Variants in CUL5 observed in about 807,000 individuals in gnomAD.
CUL5 encodes the protein cullin-5.
In CUL5, 26 loss-of-function variants were observed where a neutral mutation model predicts 108.8. The observed-to-expected ratio is 0.24, with a 90% CI of 0.18 to 0.33. The LOEUF (loss-of-function observed/expected upper bound fraction) is 0.33, where lower values mean the gene tolerates loss of function less well. Ranked by LOEUF, CUL5 falls within the 10% of genes least tolerant of loss-of-function variation. The pLI is 1.00. For missense variants in CUL5, 524 were observed against 909.2 expected, an observed-to-expected ratio of 0.58 and a Z score of 5.45; for synonymous variants, 334 against 298.0, an observed-to-expected ratio of 1.12 and a Z score of -1.25.
chr11:108,073,583 TATTA>T lies in CUL5; in HGVS notation c.1113+91_1113+94del, dbSNP rs762406352. 7.7e-5 allele frequency: 43 copies of T among 559,394 alleles called. No individual in the cohort carries two copies. In the South Asian group the frequency reaches 1.0e-3, roughly 13 times the overall value. 34.7% of individuals were successfully genotyped at this position (559,394 alleles called of 1,614,324 possible). ...TAATAATCAATTTGCATTATTTTTC[TATTA>T]ATTATAAACTTAAAAACCTAGCAAC... On this transcript the variant is annotated intron_variant, in intron 10 of 18. Transcript: ENST00000393094.
At chr11:108,049,247 GTT>G (rs34307674) in intron 3 of CUL5, among the ~76,000 whole-genome samples, 21 of 152,240 alleles carry the variant, frequency 1.4e-4, no homozygotes, top group African/African-American at 5.1e-4. Context: ...TTTGTGACTA[GTT>G]TTCTTTCACA....
chr11:108,025,163 C>A (rs1262164840), intron 1 of CUL5, among the ~76,000 whole-genome samples: 1 of 152,148 alleles, frequency 6.6e-6, no homozygotes, highest in East Asian at 1.9e-4. Flanking sequence ...AAAAATATTT[C>A]TATGATGTTC....
intron 5 of CUL5, among the ~76,000 whole-genome samples, 179 bp from the exon 6 acceptor site, chr11:108,054,468 C>T (rs929342569): frequency 6.6e-6 from 1 of 152,106 alleles, no homozygotes; most frequent in Non-Finnish European, 1.5e-5. Context: ...TACTTTACTG[C>T]TTTATGCTGT....
Position 108,074,190 on chromosome 11 carries a change from AT to A in CUL5, c.1113+714del, listed in dbSNP as rs34367275. ...TTTCTCACTCTTTTTGTCTATTTTA[AT>A]TTTTTTTTTTTTTTTTTTTTGAGAC... On this transcript the variant is annotated intron_variant, in intron 10 of 18. Transcript: ENST00000393094. 621 of 118,148 alleles carry A rather than the reference AT, an allele frequency of 5.3e-3. 2 individuals carry two copies. The highest frequency in any genetic ancestry group is 0.021 in the East Asian group (92 of 4,294). The allele number at this position is 118,148 out of a possible 1,614,324, so 7.3% of individuals were successfully genotyped here.
chr11:108,058,734 G>A (rs1413357855), intron 7 of CUL5, among the ~76,000 whole-genome samples: 1 of 151,970 alleles, frequency 6.6e-6, no homozygotes, highest in African/African-American at 2.4e-5. Flanking sequence ...ACAGTTAAGT[G>A]TTGCATTAGA....
chr11:108,034,527 CAG>C (rs927675268), intron 2 of CUL5, among the ~76,000 whole-genome samples: 1 of 152,154 alleles, frequency 6.6e-6, no homozygotes, highest in African/African-American at 2.4e-5. Context: ...GATGCAGTCT[CAG>C]GGGTGCTGGT....
intron 1 of CUL5, among the ~76,000 whole-genome samples, chr11:108,018,365 G>T (rs939075739): frequency 3.3e-5 from 5 of 152,100 alleles, no homozygotes; most frequent in African/African-American, 1.2e-4. Context: ...ACCAACCAAA[G>T]ATTAAAAATA....
In CUL5 at chr11:108,095,670, T is replaced by C; in HGVS notation, c.1884T>C (p.Ala628=). 6.2e-7 allele frequency: 1 copy of C among 1,612,836 alleles called. No individual in the cohort carries two copies. The highest frequency in any genetic ancestry group is 8.5e-7 in the Non-Finnish European group (1 of 1,179,636). ...NLKLATELPD[A]ELRRTLWSLV... The stretch of plus-strand genomic sequence containing the variant: ...AGCTTGCAACTGAACTCCCTGATGC[T>C]GAACTTAGGAGGACTTTATGGGTTG... Residue 628 remains alanine (A), a synonymous_variant, in exon 16 of 19, where the codon GCT becomes GCC. Transcript: ENST00000393094.
At chr11:108,036,394 A>G (rs1591287408) in intron 2 of CUL5, among the ~76,000 whole-genome samples, 2 of 152,324 alleles carry the variant, frequency 1.3e-5, no homozygotes, top group African/African-American at 2.4e-5. Flanking sequence ...GCAGCATATT[A>G]CATATTATGT....
intron 5 of CUL5, among the ~76,000 whole-genome samples, chr11:108,053,642 T>C (rs963964981): frequency 1.3e-5 from 2 of 151,982 alleles, no homozygotes; most frequent in African/African-American, 4.8e-5. Flanking sequence ...ATTTTATTGG[T>C]ATTTTTTCTA....
At chr11:108,011,684 G>A in intron 1 of CUL5, among the ~76,000 whole-genome samples, 1 of 151,804 alleles carries the variant, frequency 6.6e-6, no homozygotes, top group Non-Finnish European at 1.5e-5. Context: ...CTGGAGTTCA[G>A]TGGTGCGATC....
At position 108,106,311 on chromosome 11, in the gene CUL5, C is replaced by T. The variant is rs752775671; in HGVS notation, c.*1927C>T. On this transcript the variant is annotated 3_prime_UTR_variant, in exon 19 of 19. Transcript: ENST00000393094. ...AAAAATTTAGGTTTGTTGTTTTAAA[C>T]CATAATTGTTCTCAGAACTTTTTTG... 6.6e-6 allele frequency: 1 copy of T among 152,458 alleles called. No homozygotes were observed. Among genetic ancestry groups the T allele is most frequent in the Non-Finnish European group, 1.5e-5 (1 of 67,986 alleles). 9.4% of individuals were successfully genotyped at this position (152,458 alleles called of 1,614,324 possible). A position where few individuals can be genotyped will look rare whatever the true frequency, so the allele number is the denominator to read the frequency against.
At chr11:108,048,360 G>T (rs1452495908) in intron 3 of CUL5, among the ~76,000 whole-genome samples, 1 of 152,232 alleles carries the variant, frequency 6.6e-6, no homozygotes, top group South Asian at 2.1e-4. Flanking sequence ...ATTTGGGCTG[G>T]TCTCAGATGA....
intron 11 of CUL5, among the ~76,000 whole-genome samples, chr11:108,079,573 A>C (rs1255294126): frequency 1.3e-5 from 2 of 152,194 alleles, no homozygotes; most frequent in East Asian, 3.8e-4. Flanking sequence ...TTCAGCATAC[A>C]GTCATTTATT....
At chr11:108,099,348 A>T (rs894132329) in intron 18 of CUL5, among the ~76,000 whole-genome samples, 1 of 152,216 alleles carries the variant, frequency 6.6e-6, no homozygotes, top group African/African-American at 2.4e-5. Context: ...AAGATTAAAA[A>T]TGCATATTAC....
At chr11:108,043,698 G>A (rs1205672117) in intron 2 of CUL5, among the ~76,000 whole-genome samples, 1 of 152,108 alleles carries the variant, frequency 6.6e-6, no homozygotes, top group Non-Finnish European at 1.5e-5. Context: ...TAAAATAGTA[G>A]TACTTTAGAA....
At chr11:108,073,328 T>C in intron 9 of CUL5, 62 bp from the exon 10 acceptor site, 1 of 735,140 alleles carries the variant, frequency 1.4e-6, no homozygotes, top group Non-Finnish European at 2.2e-6. Flanking sequence ...ATGTTTATTT[T>C]CTCATTTTTT....
intron 3 of CUL5, among the ~76,000 whole-genome samples, chr11:108,049,627 C>T (rs1200597838): frequency 6.6e-6 from 1 of 152,130 alleles, no homozygotes; most frequent in Non-Finnish European, 1.5e-5. Flanking sequence ...ACTGTATGAG[C>T]CACCACGCCT....
chr11:108,063,043 C>T (rs1349771702), intron 7 of CUL5, among the ~76,000 whole-genome samples: 1 of 152,100 alleles, frequency 6.6e-6, no homozygotes, highest in Non-Finnish European at 1.5e-5. Context: ...TGGGGTTTCT[C>T]CATGTTGGTC....
Sources: allele counts gnomAD v4.1 joint callset (sites outside exome capture counted in the v4.1 genomes callset), GRCh38; gene constraint gnomAD v4.1.1; transcripts MANE v1.5; gene names NCBI Gene and HGNC (gene_info 2026-07-23, HGNC 2026-07-21).